ZNF454: variants seen among roughly 807,000 people sequenced by gnomAD.
The protein encoded by ZNF454 is zinc finger protein 454.
A neutral mutation model predicts 48.2 loss-of-function variants in ZNF454; 30 were observed. The ratio of observed to expected loss-of-function variants is 0.62; its 90% CI spans 0.47 to 0.84. ZNF454 has a LOEUF of 0.84. Among genes scored for constraint, ZNF454 ranks in the 40% least tolerant of loss-of-function variants. The probability of loss-of-function intolerance (pLI) is 0.00; values close to 1 mark genes in which losing one functional copy is unlikely to be tolerated. For synonymous variants in ZNF454, 204 were observed against 211.4 expected (o/e 0.97, Z 0.30); for missense variants, 510 against 623.1 (o/e 0.82, Z 1.93).
At chr5:178,985,464 G>A in the ZNF454 span, among the ~76,000 whole-genome samples, 5 of 151,710 alleles carry the variant, frequency 3.3e-5, no homozygotes, top group Non-Finnish European at 5.9e-5. Flanking sequence ...AGCACTTTGG[G>A]AGGCCGAGGT....
At chr5:178,969,481 A>G (rs115732886), downstream of ZNF454, 66 of 456,874 alleles carry the variant, frequency 1.4e-4, no homozygotes, top group African/African-American at 1.3e-3. Flanking sequence ...GGCCATGTCG[A>G]CATACCCAGC....
chr5:178,982,212 A>T, the ZNF454 span, among the ~76,000 whole-genome samples: 159 of 152,378 alleles, frequency 1.0e-3, 2 homozygotes, highest in Non-Finnish European at 1.8e-3. Flanking sequence ...TGACAGGTGC[A>T]TAAAATATTC....
At chr5:178,988,792 T>C in the ZNF454 span, 29 of 670,404 alleles carry the variant, frequency 4.3e-5, no homozygotes, top group East Asian at 7.9e-4. This position sits in a 1 kb window ranked among gnomAD's most constrained non-coding sequence, Gnocchi z 6.0. Context: ...TTGTCTCATG[T>C]CTTTGGCACT....
At chr5:178,989,354 A>T in the ZNF454 span, 3 of 1,613,950 alleles carry the variant, frequency 1.9e-6, no homozygotes, top group Non-Finnish European at 2.5e-6. Context: ...GGCGAACCAG[A>T]TGTTCCTGCG....
intron 4 of ZNF454, among the ~76,000 whole-genome samples, chr5:178,958,731 G>A (rs1759878645): frequency 1.3e-5 from 2 of 152,116 alleles, no homozygotes; most frequent in Non-Finnish European, 1.5e-5. Flanking sequence ...TCTTATACAC[G>A]TAGTATTATC....
chr5:178,971,240 C>T (rs1416143626), downstream of ZNF454, among the ~76,000 whole-genome samples: 2 of 152,160 alleles, frequency 1.3e-5, no homozygotes, highest in Non-Finnish European at 2.9e-5. Context: ...GGCGAGGCAC[C>T]TGAGTGTTCA....
intron 4 of ZNF454, among the ~76,000 whole-genome samples, chr5:178,961,145 G>A (rs1426060321): frequency 6.6e-5 from 10 of 151,168 alleles, no homozygotes; most frequent in Admixed American, 4.6e-4. Flanking sequence ...TGGCCAGGAT[G>A]GTCTCAATCT....
At chr5:178,943,958 C>G (rs1308440753) in intron 2 of ZNF454, among the ~76,000 whole-genome samples, 3 of 152,148 alleles carry the variant, frequency 2.0e-5, no homozygotes, top group Admixed American at 1.3e-4. Context: ...ACCCAGGAGG[C>G]GGAGCTTGCA....
At chr5:178,989,202 CCCCTCCCCACCCTCACCACCCTCCCCA>C in the ZNF454 span, 12 of 1,317,514 alleles carry the variant, frequency 9.1e-6, no homozygotes, top group African/African-American at 4.6e-5. Flanking sequence ...TCCCGCCTTC[CCCCTCCCCACCCTCACCACCCTCCCCA>C]CCCTCCCCAC....
At chr5:178,975,962 C>G in the ZNF454 span, 4 of 332,574 alleles carry the variant, frequency 1.2e-5, no homozygotes, top group Non-Finnish European at 1.8e-5. Flanking sequence ...CCTTTGGGCT[C>G]TGTTCTCTGG....
At chr5:178,972,953 A>G in the ZNF454 span, among the ~76,000 whole-genome samples, 3 of 151,590 alleles carry the variant, frequency 2.0e-5, no homozygotes, top group Admixed American at 2.0e-4. Context: ...TTTTCCTGCC[A>G]TAGACTCTTG....
the ZNF454 span, among the ~76,000 whole-genome samples, chr5:178,977,722 A>G: frequency 2.6e-5 from 4 of 152,022 alleles, no homozygotes; most frequent in African/African-American, 9.7e-5. Context: ...GACATGTGCC[A>G]CCATGCCCAG....
chr5:178,983,561 C>T, the ZNF454 span: 21,309 of 480,446 alleles, frequency 0.044, 766 homozygotes, highest in East Asian at 0.15. Flanking sequence ...CCATTTACTG[C>T]GCCCCTTCAA....
chr5:178,987,064 G>A, the ZNF454 span: 8 of 1,391,598 alleles, frequency 5.7e-6, no homozygotes, highest in Non-Finnish European at 8.0e-6. Flanking sequence ...GGACCAGCAG[G>A]AGAAAGGAGG....
the ZNF454 span, chr5:178,985,166 T>G: frequency 7.1e-6 from 3 of 422,406 alleles, no homozygotes; most frequent in South Asian, 5.2e-5. Context: ...CAGCAGAGAC[T>G]CCCTTGTGGA....
In ZNF454 at chr5:178,964,554, T is replaced by G; in HGVS notation, c.251-101T>G. 3 of 942,436 alleles carry G rather than the reference T, an allele frequency of 3.2e-6. No homozygotes were observed. The East Asian group carries it at 7.2e-5, about 23-fold the overall frequency. The allele number at this position is 942,436 out of a possible 1,614,324, so 58.4% of individuals were successfully genotyped here. A position where few individuals can be genotyped will look rare whatever the true frequency, so the allele number is the denominator to read the frequency against. On this transcript the variant is annotated intron_variant, in intron 4 of 4. Transcript: ENST00000519564. ...TTGTTACTTCAGAAAATCTTCAAAC[T>G]TGAAATCTTTCTGTTAGCATTATGA... is the stretch of plus-strand genomic sequence containing the variant.
chr5:178,979,939 C>T, the ZNF454 span: 1 of 154,416 alleles, frequency 6.5e-6, no homozygotes, highest in Admixed American at 6.5e-5. Flanking sequence ...GAGAGAAACC[C>T]TATGGAATAA....
chr5:178,989,206 T>TCACCACCCCCCCCCCCCCCCCC, the ZNF454 span: 1 of 218,572 alleles, frequency 4.6e-6, no homozygotes, highest in Non-Finnish European at 6.5e-6. Flanking sequence ...GCCTTCCCCC[T>TCACCACCCCCCCCCCCCCCCCC]CCCCACCCTC....
chr5:178,986,540 G>T, the ZNF454 span: 1 of 1,607,752 alleles, frequency 6.2e-7, no homozygotes, highest in Non-Finnish European at 8.5e-7. Flanking sequence ...GGTGTGGGGC[G>T]GCAGCCCGTG....
Sources: allele counts gnomAD v4.1 joint callset (sites outside exome capture counted in the v4.1 genomes callset), GRCh38; gene constraint gnomAD v4.1.1; non-coding constraint Gnocchi (gnomAD v3.1); transcripts MANE v1.5; gene names NCBI Gene and HGNC (gene_info 2026-07-23, HGNC 2026-07-21).